SH3RF3: variants seen among roughly 807,000 people sequenced by gnomAD.
SH3RF3 encodes SH3 domain containing ring finger 3.
Under a neutral mutation model 66.3 loss-of-function variants are expected in SH3RF3, and 29 were observed. That is an observed-to-expected ratio of 0.44 (90% confidence interval 0.33 to 0.60). The LOEUF (loss-of-function observed/expected upper bound fraction) is 0.60, where lower values mean the gene tolerates loss of function less well. SH3RF3 is among the 20% of genes least tolerant of loss of function. SH3RF3 has a pLI of 0.04. For missense variants in SH3RF3, 1,194 were observed against 1,190.9 expected, an observed-to-expected ratio of 1.00 and a Z score of -0.04; for synonymous variants, 583 against 532.0, an observed-to-expected ratio of 1.10 and a Z score of -1.32.
chr2:109,314,577 T>C (rs1681826009), intron 1 of SH3RF3, among the ~76,000 whole-genome samples: 1 of 152,242 alleles, frequency 6.6e-6, no homozygotes, highest in Admixed American at 6.5e-5. Context: ...TGCCACTTCA[T>C]AAATAGTGTC....
At chr2:109,190,377 T>C (rs530024717) in intron 1 of SH3RF3, among the ~76,000 whole-genome samples, 8 of 152,368 alleles carry the variant, frequency 5.3e-5, no homozygotes, top group Admixed American at 5.2e-4. Flanking sequence ...TTTCGCCATG[T>C]TGGCCAGGCT....
At chr2:109,427,097 T>C (rs1677047385) in intron 5 of SH3RF3, among the ~76,000 whole-genome samples, 1 of 152,108 alleles carries the variant, frequency 6.6e-6, no homozygotes, top group Admixed American at 6.5e-5. Flanking sequence ...GCCTCCCTAG[T>C]AGCTGGGGTT....
chr2:109,443,608 A>G (rs1677631924), intron 7 of SH3RF3, among the ~76,000 whole-genome samples: 1 of 152,252 alleles, frequency 6.6e-6, no homozygotes, highest in African/African-American at 2.4e-5. Flanking sequence ...TGGAGTGGTT[A>G]TCTTAATCAG....
chr2:109,270,085 G>T (rs935610876), intron 1 of SH3RF3, among the ~76,000 whole-genome samples: 6 of 152,220 alleles, frequency 3.9e-5, no homozygotes, highest in Non-Finnish European at 7.3e-5. Flanking sequence ...CTGCCGTGGG[G>T]CAGGGGCACC....
chr2:109,180,528 G>A (rs1404108885), intron 1 of SH3RF3, among the ~76,000 whole-genome samples: 8 of 152,094 alleles, frequency 5.3e-5, no homozygotes, highest in Non-Finnish European at 1.0e-4. Flanking sequence ...TAATTCCCAC[G>A]TGTTGTGGGA....
chr2:109,448,344 C>T (rs907774500), intron 7 of SH3RF3, among the ~76,000 whole-genome samples: 4 of 152,212 alleles, frequency 2.6e-5, no homozygotes, highest in Non-Finnish European at 5.9e-5. Context: ...CCCCAGCCTC[C>T]AAGCCACAGA....
chr2:109,231,989 G>T (rs1177564815), intron 1 of SH3RF3, among the ~76,000 whole-genome samples: 2 of 152,190 alleles, frequency 1.3e-5, no homozygotes, highest in African/African-American at 4.8e-5. Context: ...ATCCTTTTTA[G>T]TACTGATGTG....
chr2:109,365,317 G>C (rs1355701704), intron 2 of SH3RF3, among the ~76,000 whole-genome samples: 1 of 152,210 alleles, frequency 6.6e-6, no homozygotes, highest in African/African-American at 2.4e-5. Flanking sequence ...CTCTCAGGCT[G>C]TCCACACTGA....
At position 109,318,331 on chromosome 2, in the gene SH3RF3, C is replaced by G. The variant is rs1681935958; in HGVS notation, c.574-29343C>G. 7.2e-5 allele frequency among the ~76,000 whole-genome samples: 11 copies of G among 152,180 alleles called. No homozygotes were observed. The South Asian group carries it at 2.1e-3, about 29-fold the overall frequency. On this transcript the variant is annotated intron_variant, in intron 1 of 9. Transcript: ENST00000309415. Reference sequence around the variant, plus strand: ...TGACTGGCTGGTGCCTCCCGGCCCCCAGCCCGGTCCCCAGTGCTTGTCCTC... The same window carrying G: ...TGACTGGCTGGTGCCTCCCGGCCCCGAGCCCGGTCCCCAGTGCTTGTCCTC...
At chr2:109,209,134 A>G (rs958441217) in intron 1 of SH3RF3, among the ~76,000 whole-genome samples, 2 of 152,204 alleles carry the variant, frequency 1.3e-5, no homozygotes, top group African/African-American at 4.8e-5. Flanking sequence ...GCCACTGGGA[A>G]GTGGGTCCAA....
At chr2:109,180,362 A>G (rs1678047200) in intron 1 of SH3RF3, among the ~76,000 whole-genome samples, 1 of 152,154 alleles carries the variant, frequency 6.6e-6, no homozygotes, top group South Asian at 2.1e-4. Flanking sequence ...AAAAGGGACC[A>G]TCTCATTGGC....
At chr2:109,313,294 A>C (rs920979654) in intron 1 of SH3RF3, among the ~76,000 whole-genome samples, 5 of 152,212 alleles carry the variant, frequency 3.3e-5, no homozygotes, top group African/African-American at 9.6e-5. Flanking sequence ...CCTGCTGTAC[A>C]TCCATCCCAA....
intron 1 of SH3RF3, among the ~76,000 whole-genome samples, chr2:109,154,125 A>G (rs1197904705): frequency 1.3e-5 from 2 of 151,982 alleles, no homozygotes; most frequent in African/African-American, 4.8e-5. Flanking sequence ...TGTGTTTAAA[A>G]CTGGTTTCTA....
rs80013911 is a variant in SH3RF3, at chr2:109,340,830, C to T, written c.574-6844C>T. ...GTCAAAAGGTGCATTCTAAGGCCAC[C>T]ACAGATGACCTAACCGCTGCTTTGA... On this transcript the variant is annotated intron_variant, in intron 1 of 9. Transcript: ENST00000309415. Among the ~76,000 whole-genome samples the T allele has an allele frequency of 1.2e-3, 187 of 152,204 alleles. 1 individual carries two copies. In the East Asian group the frequency reaches 0.031, roughly 26 times the overall value.
At chr2:109,448,012 G>C (rs1276108808) in intron 7 of SH3RF3, among the ~76,000 whole-genome samples, 1 of 152,142 alleles carries the variant, frequency 6.6e-6, no homozygotes, top group Non-Finnish European at 1.5e-5. Flanking sequence ...TGGGAGAAAC[G>C]TCTGCTGCTT....
At chr2:109,412,471 C>T (rs1676617515) in intron 4 of SH3RF3, among the ~76,000 whole-genome samples, 2 of 152,232 alleles carry the variant, frequency 1.3e-5, no homozygotes, top group South Asian at 4.1e-4. Context: ...ATGGTAACAA[C>T]AGCAGGACCA....
intron 2 of SH3RF3, among the ~76,000 whole-genome samples, chr2:109,349,036 T>A (rs35790050): frequency 0.18 from 27,575 of 151,766 alleles, 2,612 homozygotes; most frequent in African/African-American, 0.24. Context: ...TCTCTCTCTC[T>A]CACACACACA....
intron 8 of SH3RF3, among the ~76,000 whole-genome samples, chr2:109,456,611 A>C (rs972004384): frequency 2.6e-5 from 4 of 152,182 alleles, no homozygotes; most frequent in Non-Finnish European, 5.9e-5. Flanking sequence ...CCAGGACAGC[A>C]AGTGAAGCTG....
At chr2:109,492,447 A>T (rs1204901459) in intron 9 of SH3RF3, among the ~76,000 whole-genome samples, 1 of 152,094 alleles carries the variant, frequency 6.6e-6, no homozygotes, top group Admixed American at 6.5e-5. Flanking sequence ...TGTTAGCATC[A>T]CAAGAGCTGG....
Sources: allele counts gnomAD v4.1 joint callset (sites outside exome capture counted in the v4.1 genomes callset), GRCh38; gene constraint gnomAD v4.1.1; transcripts MANE v1.5; gene names NCBI Gene and HGNC (gene_info 2026-07-23, HGNC 2026-07-21).